Variants in SOX5 observed in about 807,000 individuals in gnomAD.
SOX5 encodes the protein SRY-box transcription factor 5.
SOX5 carries 9 observed loss-of-function variants against 92.0 expected under a neutral mutation model. The ratio of observed to expected loss-of-function variants is 0.10; its 90% CI spans 0.06 to 0.17. The LOEUF (loss-of-function observed/expected upper bound fraction) is 0.17. Among genes scored for constraint, SOX5 ranks in the 10% least tolerant of loss-of-function variants. The pLI is 1.00. For synonymous variants in SOX5, 344 were observed against 336.3 expected, an observed-to-expected ratio of 1.02 and a Z score of -0.25; for missense variants, 642 against 944.5, an observed-to-expected ratio of 0.68 and a Z score of 4.20.
chr12:24,222,078 T>C (rs1960594850), intron 3 of SOX5, among the ~76,000 whole-genome samples: 1 of 152,120 alleles, frequency 6.6e-6, no homozygotes, highest in Non-Finnish European at 1.5e-5. Context: ...AAGTGGAAAA[T>C]CAGGTGACTT....
At chr12:24,140,272 A>G (rs989892439) in intron 4 of SOX5, among the ~76,000 whole-genome samples, 2 of 152,124 alleles carry the variant, frequency 1.3e-5, no homozygotes, top group African/African-American at 4.8e-5. Flanking sequence ...TTAGTAGAGA[A>G]TTAGAGAGGA....
chr12:24,052,087 T>C (rs1259926749), intron 4 of SOX5, among the ~76,000 whole-genome samples: 1 of 152,200 alleles, frequency 6.6e-6, no homozygotes, highest in Non-Finnish European at 1.5e-5. Context: ...TCCTTCCGCA[T>C]CTTTGCTTGG....
intron 3 of SOX5, among the ~76,000 whole-genome samples, chr12:24,265,807 C>T (rs935543705): frequency 3.9e-5 from 6 of 152,106 alleles, no homozygotes; most frequent in Non-Finnish European, 7.4e-5. Flanking sequence ...TTGAATATTT[C>T]CTATGACTCT....
chr12:24,091,506 T>C (rs192482952), intron 4 of SOX5, among the ~76,000 whole-genome samples: 2,509 of 148,350 alleles, frequency 0.017, 43 homozygotes, highest in Admixed American at 0.055. Context: ...CTCGGCTCAC[T>C]GCAACCTCTA....
At chr12:23,849,272 T>C (rs999553520) in intron 2 of SOX5, among the ~76,000 whole-genome samples, 5 of 152,200 alleles carry the variant, frequency 3.3e-5, no homozygotes, top group Non-Finnish European at 7.3e-5. Flanking sequence ...ATTAAGTTCA[T>C]ACTTAGAAAC....
chr12:23,743,312 CTT>C (rs1423746537), intron 4 of SOX5, among the ~76,000 whole-genome samples: 3 of 151,678 alleles, frequency 2.0e-5, no homozygotes, highest in African/African-American at 7.3e-5. Flanking sequence ...TAATTTTTTT[CTT>C]TTTTCTTTTT....
chr12:24,445,352 T>C (rs567180836), intron 1 of SOX5, among the ~76,000 whole-genome samples: 23 of 152,032 alleles, frequency 1.5e-4, no homozygotes, highest in Non-Finnish European at 3.2e-4. Flanking sequence ...TGTGTATCAG[T>C]TGAAAGAGAG....
At chr12:24,024,381 T>A (rs1216949198) in intron 4 of SOX5, among the ~76,000 whole-genome samples, 1 of 152,020 alleles carries the variant, frequency 6.6e-6, no homozygotes. Context: ...AAGCATACAG[T>A]CTGTTATTTC....
At chr12:24,309,372 T>C (rs1230443327) in intron 2 of SOX5, among the ~76,000 whole-genome samples, 2 of 152,206 alleles carry the variant, frequency 1.3e-5, no homozygotes, top group East Asian at 3.8e-4. Context: ...ATAAATATTA[T>C]AAACACTTTT....
At chr12:23,763,211 C>T (rs965339060) in intron 3 of SOX5, among the ~76,000 whole-genome samples, 7 of 152,184 alleles carry the variant, frequency 4.6e-5, no homozygotes, top group African/African-American at 1.4e-4. Context: ...AGGCTAATAA[C>T]TGCACTTACT....
intron 4 of SOX5, among the ~76,000 whole-genome samples, chr12:24,026,840 G>T (rs892322061): frequency 2.6e-5 from 4 of 151,898 alleles, no homozygotes; most frequent in African/African-American, 9.7e-5. Context: ...TGCCATGATC[G>T]TGAATATAAA....
intron 3 of SOX5, among the ~76,000 whole-genome samples, chr12:23,836,975 T>C (rs1433822326): frequency 6.6e-6 from 1 of 151,430 alleles, no homozygotes; most frequent in Non-Finnish European, 1.5e-5. Flanking sequence ...TTTTGTCAGA[T>C]TTACTCCTAA....
intron 4 of SOX5, among the ~76,000 whole-genome samples, chr12:24,070,248 C>G (rs901020218): frequency 6.6e-6 from 1 of 152,128 alleles, no homozygotes; most frequent in African/African-American, 2.4e-5. Flanking sequence ...CCACCCCTTC[C>G]TACAGACCCA....
chr12:23,904,928 T>A (rs1250926544), intron 1 of SOX5, among the ~76,000 whole-genome samples: 1 of 152,036 alleles, frequency 6.6e-6, no homozygotes, highest in Non-Finnish European at 1.5e-5. Flanking sequence ...AAGTCAGAGA[T>A]GGAGGGGAGG....
intron 4 of SOX5, among the ~76,000 whole-genome samples, chr12:23,966,924 T>A (rs10771046): frequency 6.6e-6 from 1 of 151,806 alleles, no homozygotes. Flanking sequence ...CCTCTTTCAA[T>A]AAGACTACTC....
intron 4 of SOX5, among the ~76,000 whole-genome samples, chr12:23,746,238 A>G (rs755467690): frequency 6.6e-6 from 1 of 152,170 alleles, no homozygotes; most frequent in Non-Finnish European, 1.5e-5. Context: ...AAGAGTCACA[A>G]GACATCCTTG....
chr12:24,517,875 C>A (rs530905019), intron 1 of SOX5, among the ~76,000 whole-genome samples: 2 of 151,990 alleles, frequency 1.3e-5, no homozygotes, highest in African/African-American at 2.4e-5. Context: ...AATTTTGAAA[C>A]CTTCTTTATA....
At position 24,353,918 on chromosome 12, in the gene SOX5, C is replaced by G. The variant is rs982703026; in HGVS notation, c.-174+14645G>C. Among the ~76,000 whole-genome samples, 3 of 152,178 alleles carry G rather than the reference C, an allele frequency of 2.0e-5. No individual in the cohort carries two copies. In the East Asian group the frequency reaches 5.8e-4, roughly 29 times the overall value. ...CCTCCCATAGTGCTGGGATTACAGG[C>G]GTGAGCCACCACGCCCGGCCACCTC... On this transcript the variant is annotated intron_variant, in intron 2 of 4. Transcript: ENST00000446891.
chr12:23,957,661 T>C (rs1356309481), intron 4 of SOX5, among the ~76,000 whole-genome samples: 5 of 152,198 alleles, frequency 3.3e-5, no homozygotes, highest in African/African-American at 1.2e-4. Context: ...GCTGCTTCCA[T>C]ATAGACAACT....
Sources: allele counts gnomAD v4.1 joint callset (sites outside exome capture counted in the v4.1 genomes callset), GRCh38; gene constraint gnomAD v4.1.1; transcripts MANE v1.5; gene names NCBI Gene and HGNC (gene_info 2026-07-23, HGNC 2026-07-21).